GULP1: variants seen among roughly 807,000 people sequenced by gnomAD.
GULP1 encodes GULP PTB domain containing engulfment adaptor 1.
In GULP1, 19 loss-of-function variants were observed where a neutral mutation model predicts 40.9. The ratio of observed to expected loss-of-function variants is 0.46; its 90% CI spans 0.32 to 0.68. The LOEUF (loss-of-function observed/expected upper bound fraction) is 0.68. Ranked by LOEUF, GULP1 falls within the 30% of genes least tolerant of loss-of-function variation. The pLI is 0.03. For synonymous variants in GULP1, 119 were observed against 117.6 expected (o/e 1.01, Z -0.08); for missense variants, 312 against 362.2 (o/e 0.86, Z 1.12).
At chr2:188,333,978 G>GAATT (rs1294047761) in intron 1 of GULP1, among the ~76,000 whole-genome samples, 1 of 152,140 alleles carries the variant, frequency 6.6e-6, no homozygotes, top group East Asian at 1.9e-4. Flanking sequence ...AGGGCCTGCT[G>GAATT]AATTAATCAA....
rs538484812 is a variant in GULP1 at position 188,438,334 on chromosome 2, G to T, written c.-44-39325G>T. On this transcript the variant is annotated intron_variant, in intron 2 of 11. Coordinates refer to ENST00000409830, the MANE Select transcript of GULP1 (RefSeq NM_016315.4). ...GCTTGCCCTCATGAAGTCACATCAA[G>T]AGTGTGATATATACATATATAGATA... Among the ~76,000 whole-genome samples, 4 of 151,718 alleles carry T rather than the reference G, an allele frequency of 2.6e-5. No individual in the cohort carries two copies. The East Asian group carries it at 7.7e-4, about 29-fold the overall frequency.
At chr2:188,305,593 G>A (rs1024997692) in intron 1 of GULP1, among the ~76,000 whole-genome samples, 2 of 152,192 alleles carry the variant, frequency 1.3e-5, no homozygotes, top group Admixed American at 6.5e-5. Flanking sequence ...AAGTGCTCCA[G>A]CATTATAACA....
chr2:188,535,448 T>A (rs1688687454), intron 6 of GULP1, among the ~76,000 whole-genome samples: 1 of 152,194 alleles, frequency 6.6e-6, no homozygotes, highest in South Asian at 2.1e-4. Flanking sequence ...TATTTGTTTT[T>A]CTGTTTCTGC....
At chr2:188,591,687 A>T (rs1388882900) in intron 11 of GULP1, 1 of 151,776 alleles carries the variant, frequency 6.6e-6, no homozygotes, top group Non-Finnish European at 1.5e-5. Context: ...TATTACTTAC[A>T]TAAGAAAATT....
chr2:188,516,874 A>G (rs1000681411), intron 4 of GULP1, among the ~76,000 whole-genome samples: 2 of 152,066 alleles, frequency 1.3e-5, no homozygotes, highest in Non-Finnish European at 2.9e-5. Flanking sequence ...CTTGGCCTGC[A>G]TTTCCCCAAA....
intron 7 of GULP1, among the ~76,000 whole-genome samples, chr2:188,568,880 C>G (rs1698411917): frequency 6.6e-6 from 1 of 152,098 alleles, no homozygotes; most frequent in Non-Finnish European, 1.5e-5. Flanking sequence ...GCTTTCATTT[C>G]ATAGGCACTA....
At chr2:188,465,352 A>G (rs1575431354) in intron 2 of GULP1, among the ~76,000 whole-genome samples, 1 of 152,108 alleles carries the variant, frequency 6.6e-6, no homozygotes, top group African/African-American at 2.4e-5. Context: ...CTGGTGCCCT[A>G]TCCTGCCCTG....
intron 2 of GULP1, among the ~76,000 whole-genome samples, chr2:188,441,376 TG>T (rs2057918109): frequency 6.6e-6 from 1 of 152,220 alleles, no homozygotes; most frequent in African/African-American, 2.4e-5. Context: ...AAGCTGAGGC[TG>T]AGGAGGGTTG....
intron 6 of GULP1, among the ~76,000 whole-genome samples, chr2:188,535,339 C>T (rs1042366215): frequency 6.6e-6 from 1 of 152,048 alleles, no homozygotes; most frequent in Non-Finnish European, 1.5e-5. Flanking sequence ...CTTAACACCC[C>T]CTTTTCCCAT....
chr2:188,546,093 T>A (rs1691878856), intron 7 of GULP1, among the ~76,000 whole-genome samples: 1 of 151,826 alleles, frequency 6.6e-6, no homozygotes, highest in Non-Finnish European at 1.5e-5. Flanking sequence ...CAAAAACAGA[T>A]AGAACTAAAA....
intron 2 of GULP1, among the ~76,000 whole-genome samples, chr2:188,399,260 T>C (rs996266362): frequency 1.3e-5 from 2 of 152,110 alleles, no homozygotes; most frequent in Non-Finnish European, 2.9e-5. Flanking sequence ...CATCTAGAGA[T>C]CAGGAAGTGG....
chr2:188,558,423 C>T (rs951609210), intron 7 of GULP1, among the ~76,000 whole-genome samples: 1 of 152,106 alleles, frequency 6.6e-6, no homozygotes, highest in African/African-American at 2.4e-5. Context: ...CTGAGGCCTC[C>T]ACAGCCATGG....
chr2:188,390,397 G>T (rs1185179633), intron 2 of GULP1, among the ~76,000 whole-genome samples: 3 of 151,908 alleles, frequency 2.0e-5, no homozygotes, highest in Admixed American at 6.6e-5. Flanking sequence ...TGTTTGTTGG[G>T]TATTTGTTTA....
chr2:188,337,086 G>GTATCTA (rs71020747), intron 1 of GULP1, among the ~76,000 whole-genome samples: 6,794 of 145,496 alleles, frequency 0.047, 201 homozygotes, highest in Non-Finnish European at 0.056. Flanking sequence ...AAATATATCT[G>GTATCTA]TATCTATATC....
chr2:188,427,775 G>C (rs182938141), intron 2 of GULP1, among the ~76,000 whole-genome samples: 102 of 152,350 alleles, frequency 6.7e-4, no homozygotes, highest in Admixed American at 1.0e-3. Flanking sequence ...ACCTCTACTA[G>C]GGAAGGGGAA....
At chr2:188,359,739 C>G (rs541586272) in intron 1 of GULP1, among the ~76,000 whole-genome samples, 6 of 152,228 alleles carry the variant, frequency 3.9e-5, no homozygotes, top group African/African-American at 1.4e-4. Context: ...CCCCAAATAA[C>G]TGATTGCTCG....
At chr2:188,563,599 G>A (rs927353710) in intron 7 of GULP1, among the ~76,000 whole-genome samples, 8 of 147,750 alleles carry the variant, frequency 5.4e-5, no homozygotes, top group African/African-American at 2.0e-4. Flanking sequence ...TAAATATTTG[G>A]CCCACATATT....
chr2:188,566,794 CAAAAAAAAAAAAAAAA>C (rs11350294), intron 7 of GULP1, among the ~76,000 whole-genome samples: 9 of 26,916 alleles, frequency 3.3e-4, no homozygotes, highest in Non-Finnish European at 6.4e-5. Flanking sequence ...GACTCCATCT[CAAAAAAAAAAAAAAAA>C]AAAAAAAAAA....
At position 188,331,891 on chromosome 2, in the gene GULP1, AT is replaced by A. The variant is rs548345962; in HGVS notation, c.-172+39726del. On this transcript the variant is annotated intron_variant, in intron 1 of 11. Coordinates refer to ENST00000409830, the MANE Select transcript of GULP1 (RefSeq NM_016315.4). ...AACTTATATTTTTACTTGTCTTCATATCTTGTTTCTGTAATGACTATATTGT... is the reference window on the plus strand; with the variant it reads ...AACTTATATTTTTACTTGTCTTCATACTTGTTTCTGTAATGACTATATTGT... Among the ~76,000 whole-genome samples, 196 of 152,300 alleles carry A rather than the reference AT, an allele frequency of 1.3e-3. 1 individual carries two copies. The highest frequency in any genetic ancestry group is 2.2e-3 in the Non-Finnish European group (150 of 68,024).
Sources: allele counts gnomAD v4.1 joint callset (sites outside exome capture counted in the v4.1 genomes callset), GRCh38; gene constraint gnomAD v4.1.1; transcripts MANE v1.5; gene names NCBI Gene and HGNC (gene_info 2026-07-23, HGNC 2026-07-21).